The following PELI2 variants were observed in gnomAD, a reference collection of about 807,000 sequenced individuals.
PELI2 encodes pellino E3 ubiquitin protein ligase family member 2, also known as E3 ubiquitin-protein ligase pellino homolog 2.
PELI2 carries 23 observed loss-of-function variants against 42.3 expected under a neutral mutation model. That is an observed-to-expected ratio of 0.54 (90% CI 0.39 to 0.77). The LOEUF is 0.77. Ranked by LOEUF, PELI2 falls within the 30% of genes least tolerant of loss-of-function variation. The pLI is 0.00. For synonymous variants in PELI2, 245 were observed against 212.2 expected (o/e 1.15, Z -1.34); for missense variants, 463 against 553.2 (o/e 0.84, Z 1.64).
At chr14:56,184,292 T>C (rs1885691059) in intron 2 of PELI2, among the ~76,000 whole-genome samples, 1 of 152,044 alleles carries the variant, frequency 6.6e-6, no homozygotes, top group Non-Finnish European at 1.5e-5. Flanking sequence ...ATTTGACAAA[T>C]ACTAAGTGAT....
At chr14:56,224,862 C>T (rs1374043804) in intron 2 of PELI2, among the ~76,000 whole-genome samples, 3 of 152,058 alleles carry the variant, frequency 2.0e-5, no homozygotes, top group Non-Finnish European at 2.9e-5. Flanking sequence ...CCCATACCCT[C>T]TTCCTGTCTG....
intron 2 of PELI2, among the ~76,000 whole-genome samples, chr14:56,262,538 T>G (rs1888746849): frequency 6.6e-6 from 1 of 152,218 alleles, no homozygotes; most frequent in Non-Finnish European, 1.5e-5. Context: ...AATTTTAATT[T>G]TAATAATAGC....
intron 2 of PELI2, among the ~76,000 whole-genome samples, chr14:56,230,389 A>C (rs941065346): frequency 6.6e-6 from 1 of 152,252 alleles, no homozygotes; most frequent in Admixed American, 6.5e-5. Flanking sequence ...CCATCAGACT[A>C]ACAGCAGATC....
At position 56,132,942 on chromosome 14, in the gene PELI2, G is replaced by C. The variant is rs181524018; in HGVS notation, c.77+14205G>C. 7.7e-3 allele frequency among the ~76,000 whole-genome samples: 1,177 copies of C among 152,096 alleles called. 7 individuals carry two copies. The highest frequency in any genetic ancestry group is 0.011 in the Non-Finnish European group (773 of 67,998). On this transcript the variant is annotated intron_variant, in intron 1 of 5. Transcript: ENST00000267460. ...TCTTCGCTAAAAAATTTGTAAATGG[G>C]ATTTTTTTCTTAAGGCAGGCCATTT...
At chr14:56,178,490 A>T in intron 2 of PELI2, 26 bp downstream of exon 2, 24 of 1,613,568 alleles carry the variant, frequency 1.5e-5, no homozygotes, top group Non-Finnish European at 2.0e-5. Context: ...AAGAGTTGGG[A>T]GGGTGCTGGC....
chr14:56,179,048 A>C (rs1009632242), intron 2 of PELI2, among the ~76,000 whole-genome samples: 1 of 152,156 alleles, frequency 6.6e-6, no homozygotes, highest in Non-Finnish European at 1.5e-5. Context: ...TTTTTCTCAT[A>C]ATTTTGAAGT....
chr14:56,121,491 A>G (rs1883057668), intron 1 of PELI2, among the ~76,000 whole-genome samples: 2 of 152,188 alleles, frequency 1.3e-5, no homozygotes, highest in African/African-American at 4.8e-5. Context: ...CCAGCCAGTT[A>G]ATGTATCATA....
At chr14:56,125,645 G>A (rs141238436) in intron 1 of PELI2, among the ~76,000 whole-genome samples, 1 of 152,182 alleles carries the variant, frequency 6.6e-6, no homozygotes, top group East Asian at 1.9e-4. Context: ...ACGTATATAA[G>A]CAATTTACTG....
intron 2 of PELI2, among the ~76,000 whole-genome samples, chr14:56,272,312 T>C (rs1889134511): frequency 6.6e-6 from 1 of 152,236 alleles, no homozygotes; most frequent in Non-Finnish European, 1.5e-5. Context: ...AAGAATTTCA[T>C]TTTATTTGAA....
chr14:56,208,472 CT>C (rs1379531164), intron 2 of PELI2, among the ~76,000 whole-genome samples: 3 of 152,264 alleles, frequency 2.0e-5, no homozygotes, highest in African/African-American at 4.8e-5. Context: ...TTGCATTTGC[CT>C]TTTTTCCTTG....
chr14:56,179,425 T>G (rs1245468517), intron 2 of PELI2, among the ~76,000 whole-genome samples: 1 of 152,212 alleles, frequency 6.6e-6, no homozygotes, highest in Non-Finnish European at 1.5e-5. Context: ...AATGTTTTTA[T>G]TTTTAAAAAG....
At chr14:56,179,831 A>T (rs1429277759) in intron 2 of PELI2, among the ~76,000 whole-genome samples, 2 of 152,166 alleles carry the variant, frequency 1.3e-5, no homozygotes, top group Non-Finnish European at 2.9e-5. Context: ...TGTGGTCCTT[A>T]TAATTTTGTC....
chr14:56,244,203 T>C (rs1365012885), intron 2 of PELI2, among the ~76,000 whole-genome samples: 1 of 152,212 alleles, frequency 6.6e-6, no homozygotes, highest in Non-Finnish European at 1.5e-5. Flanking sequence ...GTAGATTTGC[T>C]GAGAAGTTTG....
chr14:56,262,153 A>C (rs926962818), intron 2 of PELI2, among the ~76,000 whole-genome samples: 4 of 152,232 alleles, frequency 2.6e-5, no homozygotes, highest in African/African-American at 9.6e-5. Context: ...TTACAGGCAA[A>C]ATCCTAAGGC....
intron 2 of PELI2, among the ~76,000 whole-genome samples, chr14:56,199,513 A>C (rs1424312755): frequency 6.6e-6 from 1 of 152,214 alleles, no homozygotes; most frequent in Non-Finnish European, 1.5e-5. Context: ...GGAAGATTAC[A>C]TTTAAAATAA....
chr14:56,226,233 C>G (rs1887349354), intron 2 of PELI2, among the ~76,000 whole-genome samples: 2 of 152,204 alleles, frequency 1.3e-5, no homozygotes, highest in Non-Finnish European at 1.5e-5. Flanking sequence ...ATTTCGCTCC[C>G]AGGTTCTTGC....
At chr14:56,290,855 T>C (rs1228713245) in intron 5 of PELI2, among the ~76,000 whole-genome samples, 5 of 152,254 alleles carry the variant, frequency 3.3e-5, no homozygotes, top group Non-Finnish European at 7.3e-5. Context: ...AATTATTTAC[T>C]AGACTTTCTG....
intron 1 of PELI2, among the ~76,000 whole-genome samples, chr14:56,131,428 T>C (rs1883477568): frequency 6.6e-6 from 1 of 152,204 alleles, no homozygotes; most frequent in East Asian, 1.9e-4. Flanking sequence ...TCTTGAGATA[T>C]CAGTTGGTAA....
chr14:56,217,495 GGGTCCACCAGA>G (rs1203270406), intron 2 of PELI2, among the ~76,000 whole-genome samples: 3 of 152,232 alleles, frequency 2.0e-5, no homozygotes, highest in Non-Finnish European at 4.4e-5. Context: ...GCTTGGCCAG[GGGTCCACCAGA>G]GGTCCCCCGT....
Sources: allele counts gnomAD v4.1 joint callset (sites outside exome capture counted in the v4.1 genomes callset), GRCh38; gene constraint gnomAD v4.1.1; transcripts MANE v1.5; gene names NCBI Gene and HGNC (gene_info 2026-07-23, HGNC 2026-07-21).